Variants in RBFOX1 observed in about 807,000 individuals in gnomAD.
RBFOX1 encodes RNA binding fox-1 homolog 1.
A neutral mutation model predicts 57.7 loss-of-function variants in RBFOX1; 8 were observed. The ratio of observed to expected loss-of-function variants is 0.14; its 90% CI spans 0.08 to 0.25. The LOEUF is 0.25. RBFOX1 is among the 10% of genes least tolerant of loss of function. RBFOX1 has a pLI of 1.00. For synonymous variants in RBFOX1, 326 were observed against 222.4 expected, an observed-to-expected ratio of 1.47 and a Z score of -4.15; for missense variants, 611 against 548.5, an observed-to-expected ratio of 1.11 and a Z score of -1.14.
chr16:7,309,082 T>A (rs1373486710), intron 4 of RBFOX1, among the ~76,000 whole-genome samples: 1 of 152,212 alleles, frequency 6.6e-6, no homozygotes, highest in East Asian at 1.9e-4. Context: ...GGAATTTAAG[T>A]GGCTGGAATG....
intron 2 of RBFOX1, among the ~76,000 whole-genome samples, chr16:6,331,273 C>A (rs549372941): frequency 6.6e-6 from 1 of 152,018 alleles, no homozygotes; most frequent in Non-Finnish European, 1.5e-5. Flanking sequence ...TGGTGAAATC[C>A]TATCTCTAAT....
intron 1 of RBFOX1, among the ~76,000 whole-genome samples, chr16:6,246,317 C>T (rs1414759273): frequency 1.3e-5 from 2 of 152,134 alleles, no homozygotes; most frequent in Admixed American, 1.3e-4. Flanking sequence ...GTTACTCTTG[C>T]TGTAGACAGA....
chr16:7,208,419 C>T (rs1002249410), intron 4 of RBFOX1, among the ~76,000 whole-genome samples: 1 of 152,174 alleles, frequency 6.6e-6, no homozygotes, highest in East Asian at 1.9e-4. Context: ...CCAGCATCTG[C>T]TTCCGGTGAG....
intron 3 of RBFOX1, among the ~76,000 whole-genome samples, chr16:6,828,230 T>C (rs1392217564): frequency 6.6e-6 from 1 of 151,910 alleles, no homozygotes; most frequent in Non-Finnish European, 1.5e-5. Context: ...AGTCACAGCA[T>C]AGTAAAAATT....
intron 3 of RBFOX1, among the ~76,000 whole-genome samples, chr16:5,776,481 A>C (rs2054154175): frequency 6.6e-6 from 1 of 152,202 alleles, no homozygotes; most frequent in African/African-American, 2.4e-5. Flanking sequence ...GCTGAGCTTA[A>C]GTCTTCCAGT....
intron 2 of RBFOX1, among the ~76,000 whole-genome samples, chr16:6,504,962 A>G (rs1269324040): frequency 6.6e-6 from 1 of 152,024 alleles, no homozygotes; most frequent in Non-Finnish European, 1.5e-5. Flanking sequence ...AATCCCAGCT[A>G]CTTGGGAGGC....
chr16:5,640,286 A>G (rs1171300176), intron 3 of RBFOX1, among the ~76,000 whole-genome samples: 1 of 152,200 alleles, frequency 6.6e-6, no homozygotes, highest in East Asian at 1.9e-4. Flanking sequence ...GTCTGAAAGT[A>G]CTGTGAATGG....
intron 4 of RBFOX1, among the ~76,000 whole-genome samples, chr16:7,424,400 C>T (rs969118773): frequency 3.9e-5 from 6 of 152,110 alleles, no homozygotes; most frequent in African/African-American, 1.4e-4. Context: ...GCTGGGAATA[C>T]AGAAGGGCAT....
chr16:6,196,709 G>T (rs2097182170), intron 1 of RBFOX1, among the ~76,000 whole-genome samples: 2 of 151,688 alleles, frequency 1.3e-5, no homozygotes, highest in African/African-American at 4.8e-5. Context: ...TTGAATAATA[G>T]AATTTATTCA....
intron 3 of RBFOX1, among the ~76,000 whole-genome samples, chr16:6,753,089 A>G (rs1186573549): frequency 1.3e-5 from 2 of 152,078 alleles, no homozygotes; most frequent in Non-Finnish European, 2.9e-5. Context: ...AAAAAAATAC[A>G]AATATTGAAC....
At chr16:6,845,956 C>T (rs986516577) in intron 3 of RBFOX1, among the ~76,000 whole-genome samples, 6 of 152,158 alleles carry the variant, frequency 3.9e-5, no homozygotes, top group Non-Finnish European at 7.3e-5. Flanking sequence ...GATGCTTCTT[C>T]CTTAGGTGTT....
At chr16:6,850,073 C>G (rs8061084) in intron 3 of RBFOX1, among the ~76,000 whole-genome samples, 2 of 151,840 alleles carry the variant, frequency 1.3e-5, no homozygotes, top group Non-Finnish European at 2.9e-5. Context: ...CCTTCTTAAC[C>G]GAGTCGATTG....
At chr16:6,863,725 C>CTTTTTT (rs71408412) in intron 3 of RBFOX1, among the ~76,000 whole-genome samples, 1,338 of 67,602 alleles carry the variant, frequency 0.02, 127 homozygotes, top group South Asian at 0.03. Flanking sequence ...GATGCCTGCG[C>CTTTTTT]TTTTTTTTTT....
At chr16:5,914,239 C>T (rs1435325288) in intron 4 of RBFOX1, among the ~76,000 whole-genome samples, 1 of 152,192 alleles carries the variant, frequency 6.6e-6, no homozygotes, top group Non-Finnish European at 1.5e-5. Context: ...TATTTATTTT[C>T]TGTTACATAA....
chr16:6,611,793 C>G (rs1289061039), intron 2 of RBFOX1, among the ~76,000 whole-genome samples: 2 of 152,088 alleles, frequency 1.3e-5, no homozygotes, highest in African/African-American at 2.4e-5. Context: ...CTCTGCTTCC[C>G]AAGGCACCCT....
At chr16:7,045,167 A>C (rs923225940) in intron 3 of RBFOX1, among the ~76,000 whole-genome samples, 1 of 152,126 alleles carries the variant, frequency 6.6e-6, no homozygotes, top group African/African-American at 2.4e-5. Flanking sequence ...GATTGACTCA[A>C]ATTGGCCAGG....
At chr16:7,386,889 G>T (rs1381350185) in intron 4 of RBFOX1, among the ~76,000 whole-genome samples, 1 of 152,220 alleles carries the variant, frequency 6.6e-6, no homozygotes, top group South Asian at 2.1e-4. Context: ...TCCAGCATCT[G>T]TTGTTTTCTG....
chr16:7,208,092 T>G (rs1003916793), intron 4 of RBFOX1, among the ~76,000 whole-genome samples: 2 of 152,202 alleles, frequency 1.3e-5, no homozygotes, highest in African/African-American at 4.8e-5. Flanking sequence ...CAAGAGCAAC[T>G]TTGGTGGTTA....
At chr16:5,297,927 G>A (rs2063708238) in intron 1 of RBFOX1, among the ~76,000 whole-genome samples, 1 of 152,090 alleles carries the variant, frequency 6.6e-6, no homozygotes, top group African/African-American at 2.4e-5. Flanking sequence ...TTAACATTTT[G>A]TATTCTCCCT....
Sources: gnomAD v4.1 joint callset for allele counts (sites outside exome capture counted in the v4.1 genomes callset) on GRCh38, gnomAD v4.1.1 for gene constraint, MANE v1.5 for transcripts, NCBI Gene and HGNC (gene_info 2026-07-23, HGNC 2026-07-21) for gene names.